The following APP variants were observed in gnomAD, a reference collection of about 807,000 sequenced individuals.
APP encodes the protein amyloid beta precursor protein.
A neutral mutation model predicts 101.4 loss-of-function variants in APP; 31 were observed. That is an observed-to-expected ratio of 0.31 (90% CI 0.23 to 0.41). The LOEUF (loss-of-function observed/expected upper bound fraction) is 0.41, where lower values mean the gene tolerates loss of function less well. APP is among the 10% of genes least tolerant of loss of function. The probability of loss-of-function intolerance (pLI) is 1.00; values close to 1 mark genes in which losing one functional copy is unlikely to be tolerated. For missense variants in APP, 839 were observed against 1,003.7 expected (o/e 0.84, Z 2.22); for synonymous variants, 366 against 364.4 (o/e 1.00, Z -0.05).
rs980982928 is a variant in APP at position 26,045,375 on chromosome 21, T to TGGCAGG, written c.662+5619_662+5624dup. On this transcript the variant is annotated intron_variant, in intron 5 of 17. Transcript: ENST00000346798. ...GACGGATATATTTCAGGTTCGTGCA[T>TGGCAGG]GGCAGGTGATTAGCAGCTAGCTGCA... Among the ~76,000 whole-genome samples the TGGCAGG allele has an allele frequency of 2.1e-4, 32 of 152,238 alleles. 1 individual carries two copies. Among genetic ancestry groups the TGGCAGG allele is most frequent in the South Asian group, 4.1e-4 (2 of 4,834 alleles).
At chr21:25,927,590 T>C (rs958265234) in intron 13 of APP, among the ~76,000 whole-genome samples, 9 of 152,196 alleles carry the variant, frequency 5.9e-5, no homozygotes, top group Non-Finnish European at 1.2e-4. Flanking sequence ...TCAGACTACA[T>C]GTCTAAATCG....
intron 4 of APP, among the ~76,000 whole-genome samples, 189 bp from the exon 5 acceptor site, chr21:26,051,382 T>C (rs1197428414): frequency 1.3e-5 from 1 of 76,006 alleles, no homozygotes; most frequent in African/African-American, 6.4e-5. Flanking sequence ...TTTGGTACTC[T>C]TTTTATTCTT....
At chr21:25,902,959 C>T in intron 15 of APP, among the ~76,000 whole-genome samples, 1 of 152,162 alleles carries the variant, frequency 6.6e-6, no homozygotes, top group Non-Finnish European at 1.5e-5. Context: ...ATGGTTTTCT[C>T]CCACCAGTGT....
chr21:26,000,106 C>T lies in APP; in HGVS notation c.942G>A (p.Gly314=). The T allele has an allele frequency of 6.2e-7, 1 of 1,614,232 alleles. No homozygotes were observed. The highest frequency in any genetic ancestry group is 1.3e-5 in the African/African-American group (1 of 75,062). Residue 314 remains glycine, a synonymous_variant, in exon 7 of 18, where the codon GGG becomes GGA. Transcript: ENST00000346798. ...ISRWYFDVTE[G]KCAPFFYGGC... The stretch of plus-strand genomic sequence containing the variant: ...CGCCGTAAAAGAATGGGGCACACTT[C>T]CCTTCAGTCACATCAAAGTACCAGC...
rs1437503550 is a variant in APP, at chr21:25,881,734, G to C, written c.2249C>G (p.Ser750Cys). ...AAVTPEERHL[S>C]KMQQNGYENP... ...TTCGTAGCCGTTCTGCTGCATCTTG[G>C]ACAGGTGGCGCTCCTCTGGGGTGAC... Residue 750 changes from serine (S) to cysteine (C), a missense_variant, in exon 18 of 18, where the codon TCC (serine) becomes TGC (cysteine). Coordinates refer to ENST00000346798, the MANE Select transcript of APP (RefSeq NM_000484.4). 7.4e-6 allele frequency: 12 copies of C among 1,613,842 alleles called. No individual in the cohort carries two copies. Among genetic ancestry groups the C allele is most frequent in the Non-Finnish European group, 9.3e-6 (11 of 1,180,040 alleles).
intron 1 of APP, among the ~76,000 whole-genome samples, chr21:26,123,088 C>G (rs1361858337): frequency 6.6e-6 from 1 of 152,164 alleles, no homozygotes; most frequent in Non-Finnish European, 1.5e-5. Flanking sequence ...TGATCTTAGA[C>G]CTTTACCTTT....
intron 8 of APP, among the ~76,000 whole-genome samples, chr21:25,990,350 A>AT (rs2042811787): frequency 1.3e-5 from 2 of 152,184 alleles, no homozygotes; most frequent in Non-Finnish European, 2.9e-5. Flanking sequence ...TGCTGGCATT[A>AT]TTTTTTTATT....
intron 11 of APP, among the ~76,000 whole-genome samples, chr21:25,958,288 A>C (rs946809055): frequency 5.3e-5 from 8 of 152,030 alleles, no homozygotes; most frequent in South Asian, 2.1e-4. Context: ...TATTATTATT[A>C]TTCTTTGAGA....
intron 5 of APP, among the ~76,000 whole-genome samples, chr21:26,037,684 T>C (rs2045180691): frequency 6.6e-6 from 1 of 152,172 alleles, no homozygotes; most frequent in Admixed American, 6.5e-5. Context: ...AAATGCAATA[T>C]TGCTATCCTG....
chr21:26,049,711 A>T (rs1476117837), intron 5 of APP, among the ~76,000 whole-genome samples: 2 of 152,228 alleles, frequency 1.3e-5, no homozygotes, highest in African/African-American at 4.8e-5. Context: ...CAAGTCAAGG[A>T]TGTTCAATGG....
At chr21:26,155,187 G>GTTGCAATGAGCCAAGA (rs1359758162) in intron 1 of APP, among the ~76,000 whole-genome samples, 1 of 152,132 alleles carries the variant, frequency 6.6e-6, no homozygotes. Flanking sequence ...GGAGGTGGAG[G>GTTGCAATGAGCCAAGA]TTGCAATGAG....
rs564102327 is a variant in APP, at chr21:26,079,038, C to G, written c.355+10905G>C. 3.2e-3 allele frequency among the ~76,000 whole-genome samples: 355 copies of G among 112,324 alleles called. 2 individuals carry two copies. The highest frequency in any genetic ancestry group is 0.012 in the Middle Eastern group (3 of 250). The allele number at this position is 112,324 out of a possible 152,430, so 73.7% of individuals were successfully genotyped here. On this transcript the variant is annotated intron_variant, in intron 3 of 17. Coordinates refer to ENST00000346798, the MANE Select transcript of APP (RefSeq NM_000484.4). ...AGCCTGGGCAACAAAGAGTGAAACTCCATCTCAAAAAAAAAAAAAAAAAAT... is the reference window on the plus strand; with the variant it reads ...AGCCTGGGCAACAAAGAGTGAAACTGCATCTCAAAAAAAAAAAAAAAAAAT...
At chr21:26,150,197 G>A (rs73343443) in intron 1 of APP, among the ~76,000 whole-genome samples, 2,799 of 152,268 alleles carry the variant, frequency 0.018, 105 homozygotes, top group African/African-American at 0.064. Context: ...AAACTGTGGA[G>A]AAGTCACAAG....
rs531442954 is a variant in APP, at chr21:25,973,574, T to C, written c.1458+1496A>G. ...TCAAACTATACAAAATAAAAACTGATAGCACTGTTTAGAAAAATGGCCCGG... is the reference window on the plus strand; with the variant it reads ...TCAAACTATACAAAATAAAAACTGACAGCACTGTTTAGAAAAATGGCCCGG... On this transcript the variant is annotated intron_variant, in intron 11 of 17. Coordinates refer to ENST00000346798, the MANE Select transcript of APP (RefSeq NM_000484.4). Among the ~76,000 whole-genome samples, 7 of 152,170 alleles carry C rather than the reference T, an allele frequency of 4.6e-5. No individual in the cohort carries two copies. In the East Asian group the frequency reaches 9.7e-4, roughly 21 times the overall value.
At chr21:25,995,941 A>AG (rs1415942079) in intron 8 of APP, among the ~76,000 whole-genome samples, 1 of 144,396 alleles carries the variant, frequency 6.9e-6, no homozygotes, top group Admixed American at 6.9e-5. Context: ...TTTTGAGATG[A>AG]GGGTTTTTTT....
At chr21:26,062,265 G>A (rs2046300919) in intron 3 of APP, among the ~76,000 whole-genome samples, 2 of 142,666 alleles carry the variant, frequency 1.4e-5, no homozygotes, top group South Asian at 4.7e-4. Context: ...ACACAGAATA[G>A]TGTTTAACCC....
chr21:25,946,203 A>G (rs1181669820), intron 13 of APP, among the ~76,000 whole-genome samples: 1 of 152,238 alleles, frequency 6.6e-6, no homozygotes, highest in East Asian at 1.9e-4. Context: ...TAACTGCCAC[A>G]AAAGAAAAAA....
chr21:26,031,195 G>T (rs563466834), intron 5 of APP, among the ~76,000 whole-genome samples: 1 of 152,206 alleles, frequency 6.6e-6, no homozygotes, highest in Non-Finnish European at 1.5e-5. Flanking sequence ...CTTCCACTGT[G>T]TCCATACACA....
rs191110491 is a variant in APP, at chr21:26,125,906, T to C, written c.58-13760A>G. Among the ~76,000 whole-genome samples, 9 of 152,350 alleles carry C rather than the reference T, an allele frequency of 5.9e-5. No individual in the cohort carries two copies. In the East Asian group the frequency reaches 1.5e-3, roughly 26 times the overall value. On this transcript the variant is annotated intron_variant, in intron 1 of 17. Coordinates refer to ENST00000346798, the MANE Select transcript of APP (RefSeq NM_000484.4). ...TATGTGACCTGGGGAAAAAATTATCTGGACTCTCACCATGCAGATTATCAG... is the reference window on the plus strand; with the variant it reads ...TATGTGACCTGGGGAAAAAATTATCCGGACTCTCACCATGCAGATTATCAG...
Sources: allele counts gnomAD v4.1 joint callset (sites outside exome capture counted in the v4.1 genomes callset), GRCh38; gene constraint gnomAD v4.1.1; transcripts MANE v1.5; gene names NCBI Gene and HGNC (gene_info 2026-07-23, HGNC 2026-07-21).